Variants in NIPAL2 observed in about 807,000 individuals in gnomAD.
NIPAL2 encodes the protein NIPA-like protein 2.
Under a neutral mutation model 48.9 loss-of-function variants are expected in NIPAL2, and 43 were observed. The observed-to-expected ratio is 0.88, with a 90% CI of 0.69 to 1.13. The LOEUF (loss-of-function observed/expected upper bound fraction) is 1.13, where lower values mean the gene tolerates loss of function less well. NIPAL2 is among the 50% of genes most tolerant of loss of function. The probability of loss-of-function intolerance (pLI) is 0.00; values close to 1 mark genes in which losing one functional copy is unlikely to be tolerated. For missense variants in NIPAL2, 446 were observed against 461.4 expected (o/e 0.97, Z 0.31); for synonymous variants, 167 against 174.6 (o/e 0.96, Z 0.34).
chr8:98,267,307 A>G (rs1256168605), intron 1 of NIPAL2, among the ~76,000 whole-genome samples: 1 of 151,742 alleles, frequency 6.6e-6, no homozygotes, highest in African/African-American at 2.4e-5. Context: ...AGGTACAACT[A>G]GAGGGGATAT....
intron 1 of NIPAL2, among the ~76,000 whole-genome samples, chr8:98,276,551 A>G (rs1054961275): frequency 6.6e-6 from 1 of 152,154 alleles, no homozygotes; most frequent in Non-Finnish European, 1.5e-5. Context: ...TTGTGCAGAC[A>G]TACGTTTTCA....
intron 8 of NIPAL2, among the ~76,000 whole-genome samples, chr8:98,200,574 A>G (rs1287898246): frequency 6.6e-6 from 1 of 152,208 alleles, no homozygotes; most frequent in African/African-American, 2.4e-5. Context: ...TCTATTGTGA[A>G]TAATGCTGCT....
intron 1 of NIPAL2, among the ~76,000 whole-genome samples, chr8:98,280,494 C>T (rs1043153100): frequency 7.3e-5 from 11 of 151,708 alleles, no homozygotes; most frequent in Non-Finnish European, 1.2e-4. Context: ...ACTGTAATGG[C>T]CTGTACACAC....
At chr8:98,280,643 A>G (rs993825707) in intron 1 of NIPAL2, among the ~76,000 whole-genome samples, 1 of 151,102 alleles carries the variant, frequency 6.6e-6, no homozygotes, top group Non-Finnish European at 1.5e-5. Context: ...TTAGGACAGG[A>G]CAAGAAGACA....
intron 3 of NIPAL2, among the ~76,000 whole-genome samples, chr8:98,249,875 T>G (rs1322229280): frequency 6.6e-6 from 1 of 151,640 alleles, no homozygotes; most frequent in Non-Finnish European, 1.5e-5. Context: ...ATTTTGATTA[T>G]GTGAGACAAA....
chr8:98,228,842 T>C (rs1023244795), intron 4 of NIPAL2, among the ~76,000 whole-genome samples: 2 of 152,190 alleles, frequency 1.3e-5, no homozygotes, highest in Non-Finnish European at 2.9e-5. Flanking sequence ...CAGGAAGGAA[T>C]TGGCTGGTGT....
At chr8:98,276,770 CTTTTCTT>C (rs981260384) in intron 1 of NIPAL2, among the ~76,000 whole-genome samples, 1 of 148,180 alleles carries the variant, frequency 6.7e-6, no homozygotes, top group African/African-American at 2.5e-5. Flanking sequence ...TTTTTTTTTT[CTTTTCTT>C]TTTTCTTTTT....
At chr8:98,237,590 C>T (rs1812782729) in intron 3 of NIPAL2, among the ~76,000 whole-genome samples, 1 of 152,146 alleles carries the variant, frequency 6.6e-6, no homozygotes, top group Non-Finnish European at 1.5e-5. Context: ...GGCCACACTA[C>T]CAAGCAGAAC....
At chr8:98,201,234 TCCA>T (rs1703100899) in intron 8 of NIPAL2, among the ~76,000 whole-genome samples, 2 of 152,122 alleles carry the variant, frequency 1.3e-5, no homozygotes, top group African/African-American at 4.8e-5. Flanking sequence ...GTTGGCAAGC[TCCA>T]CCACCATTCC....
At chr8:98,219,235 A>G (rs1212049286) in intron 5 of NIPAL2, among the ~76,000 whole-genome samples, 1 of 152,162 alleles carries the variant, frequency 6.6e-6, no homozygotes, top group Admixed American at 6.5e-5. Flanking sequence ...AAGAATATAG[A>G]TCTGGAGCTC....
chr8:98,222,625 A>G (rs1252742726), intron 4 of NIPAL2, 25 bp from the exon 5 acceptor site: 1 of 1,610,780 alleles, frequency 6.2e-7, no homozygotes, highest in Non-Finnish European at 8.5e-7. Flanking sequence ...GAAAAGAAAA[A>G]CCAAATTGAA....
chr8:98,216,601 C>T (rs933830205), intron 5 of NIPAL2, among the ~76,000 whole-genome samples: 3 of 152,316 alleles, frequency 2.0e-5, no homozygotes, highest in African/African-American at 4.8e-5. Flanking sequence ...CTTAATAATC[C>T]GGTTTAGGGT....
intron 1 of NIPAL2, among the ~76,000 whole-genome samples, chr8:98,286,017 G>A (rs1816134972): frequency 6.6e-6 from 1 of 152,154 alleles, no homozygotes; most frequent in Admixed American, 6.5e-5. Context: ...AGGTGATGAG[G>A]TCATGAGGGC....
At chr8:98,256,946 A>G (rs1813932867) in intron 1 of NIPAL2, among the ~76,000 whole-genome samples, 1 of 152,226 alleles carries the variant, frequency 6.6e-6, no homozygotes, top group Non-Finnish European at 1.5e-5. Flanking sequence ...GAGTACATAT[A>G]TATAATGGAA....
intron 3 of NIPAL2, among the ~76,000 whole-genome samples, chr8:98,240,436 A>G (rs1475407247): frequency 6.6e-6 from 1 of 152,196 alleles, no homozygotes; most frequent in Non-Finnish European, 1.5e-5. Context: ...TTCCCAGCCA[A>G]AACTCACTGC....
chr8:98,212,417 C>T lies in NIPAL2; in HGVS notation c.643G>A (p.Val215Met). 6.3e-7 allele frequency: 1 copy of T among 1,581,378 alleles called. No homozygotes were observed. The highest frequency in any genetic ancestry group is 8.7e-7 in the Non-Finnish European group (1 of 1,151,228). The change falls in exon 6 of 11, where the codon GTG becomes ATG. Residue 215 changes from valine to methionine, a missense_variant. By Grantham distance (21) the Val-to-Met change is conservative. Coordinates refer to ENST00000430223, the MANE Select transcript of NIPAL2 (RefSeq NM_001321635.2). ...MKHMVILLTL[V>M]AILASLTVIS... ...AATATGCCTTTACCTAGAATTGCCACCAGGGTTAGCAGAATCACCATATGC... is the reference window on the plus strand; with the variant it reads ...AATATGCCTTTACCTAGAATTGCCATCAGGGTTAGCAGAATCACCATATGC...
At chr8:98,240,047 A>G (rs1812907569) in intron 3 of NIPAL2, among the ~76,000 whole-genome samples, 2 of 152,252 alleles carry the variant, frequency 1.3e-5, no homozygotes, top group Admixed American at 1.3e-4. Flanking sequence ...TTCCTATAGT[A>G]AAATTTAATA....
chr8:98,265,370 G>A (rs1348431233), intron 1 of NIPAL2, among the ~76,000 whole-genome samples: 7 of 138,958 alleles, frequency 5.0e-5, no homozygotes, highest in Admixed American at 7.3e-5. Context: ...GAAAATTTTC[G>A]CAACCTACTC....
chr8:98,281,888 G>A (rs1815849602), intron 1 of NIPAL2, among the ~76,000 whole-genome samples: 1 of 152,214 alleles, frequency 6.6e-6, no homozygotes, highest in African/African-American at 2.4e-5. Context: ...GAGGCTAGAA[G>A]TCCAAATTCA....
Sources: allele counts gnomAD v4.1 joint callset (sites outside exome capture counted in the v4.1 genomes callset), GRCh38; gene constraint gnomAD v4.1.1; transcripts MANE v1.5; gene names NCBI Gene and HGNC (gene_info 2026-07-23, HGNC 2026-07-21).